Variants in KCNMA1 observed in about 807,000 individuals in gnomAD.
The protein encoded by KCNMA1 is Calcium-activated potassium channel subunit alpha-1.
In KCNMA1, 29 loss-of-function variants were observed where a neutral mutation model predicts 140.0. The observed-to-expected ratio is 0.21, with a 90% confidence interval of 0.15 to 0.28. The LOEUF (loss-of-function observed/expected upper bound fraction) is 0.28. Ranked by LOEUF, KCNMA1 falls within the 10% of genes least tolerant of loss-of-function variation. The probability of loss-of-function intolerance (pLI) is 1.00; values close to 1 mark genes in which losing one functional copy is unlikely to be tolerated. For synonymous variants in KCNMA1, 612 were observed against 611.9 expected, an observed-to-expected ratio of 1.00 and a Z score of 0.00; for missense variants, 880 against 1,602.2, an observed-to-expected ratio of 0.55 and a Z score of 7.70.
At chr10:77,443,564 G>A (rs1448497458) in intron 1 of KCNMA1, among the ~76,000 whole-genome samples, 3 of 152,148 alleles carry the variant, frequency 2.0e-5, no homozygotes, top group African/African-American at 7.2e-5. Context: ...TGGCTCTCGT[G>A]GAACATGGAG....
intron 1 of KCNMA1, among the ~76,000 whole-genome samples, chr10:77,594,074 T>C (rs2080052437): frequency 6.6e-6 from 1 of 151,984 alleles, no homozygotes; most frequent in Non-Finnish European, 1.5e-5. Context: ...TAAAGAGAAA[T>C]GGGAGTGTGA....
At chr10:77,602,510 T>C (rs913820874) in intron 1 of KCNMA1, among the ~76,000 whole-genome samples, 1 of 152,168 alleles carries the variant, frequency 6.6e-6, no homozygotes, top group Non-Finnish European at 1.5e-5. Flanking sequence ...TCTCTGTATA[T>C]ACTAAAAACC....
chr10:77,255,430 G>T (rs1018900941), intron 2 of KCNMA1, among the ~76,000 whole-genome samples: 4 of 151,068 alleles, frequency 2.6e-5, no homozygotes, highest in East Asian at 2.0e-4. Flanking sequence ...TGAAACCCTG[G>T]CTCTACCAAA....
intron 1 of KCNMA1, among the ~76,000 whole-genome samples, chr10:77,449,224 T>C (rs528268121): frequency 9.2e-5 from 14 of 152,288 alleles, no homozygotes; most frequent in Admixed American, 7.8e-4. Flanking sequence ...GCCTTTATTT[T>C]GAAGTGTTAC....
chr10:77,438,489 G>A (rs1277355021), intron 1 of KCNMA1, among the ~76,000 whole-genome samples: 1 of 151,814 alleles, frequency 6.6e-6, no homozygotes, highest in Admixed American at 6.6e-5. Context: ...CTTGAACCTG[G>A]GAGGCAGAGG....
At chr10:77,084,836 A>C in intron 11 of KCNMA1, 117 bp from the exon 12 acceptor site, 14 of 722,690 alleles carry the variant, frequency 1.9e-5, no homozygotes, top group Non-Finnish European at 2.7e-5. Flanking sequence ...AAAAAAAACA[A>C]TCCTGAGAGC....
At chr10:77,039,489 C>T (rs1565708917) in intron 15 of KCNMA1, 39 bp downstream of exon 15, 1 of 1,198,976 alleles carries the variant, frequency 8.3e-7, no homozygotes, top group Non-Finnish European at 1.2e-6. Context: ...CATTCAATAT[C>T]CCTGAAAGCC....
At chr10:76,933,305 T>C (rs1210045480) in intron 23 of KCNMA1, among the ~76,000 whole-genome samples, 2 of 152,216 alleles carry the variant, frequency 1.3e-5, no homozygotes, top group Non-Finnish European at 2.9e-5. Flanking sequence ...CTACTGAGTG[T>C]CTACTAGGTG....
intron 20 of KCNMA1, among the ~76,000 whole-genome samples, chr10:76,955,135 A>C (rs1457176227): frequency 6.6e-6 from 1 of 152,148 alleles, no homozygotes; most frequent in African/African-American, 2.4e-5. Flanking sequence ...CATAAATTGT[A>C]AAGTGATTTT....
At chr10:77,403,801 G>C in intron 2 of KCNMA1, 61 bp downstream of exon 2, 2 of 1,540,264 alleles carry the variant, frequency 1.3e-6, no homozygotes, top group Non-Finnish European at 1.8e-6. Flanking sequence ...CGTCTCATAA[G>C]CAAAGCCACC....
At chr10:76,906,718 A>G (rs988762060) in intron 25 of KCNMA1, among the ~76,000 whole-genome samples, 1 of 152,184 alleles carries the variant, frequency 6.6e-6, no homozygotes, top group African/African-American at 2.4e-5. Flanking sequence ...TCACTTTCTC[A>G]ATTTATATTC....
chr10:77,163,278 T>C (rs1418063025), intron 5 of KCNMA1, among the ~76,000 whole-genome samples: 1 of 152,198 alleles, frequency 6.6e-6, no homozygotes, highest in Non-Finnish European at 1.5e-5. Context: ...CGAATACAAT[T>C]TTATTGGGAC....
chr10:76,907,916 A>T (rs1433295020), intron 25 of KCNMA1, among the ~76,000 whole-genome samples: 1 of 152,214 alleles, frequency 6.6e-6, no homozygotes. Context: ...GACCTTGCAA[A>T]TTATGTAGCC....
chr10:77,052,823 G>C (rs2095417657), intron 14 of KCNMA1, among the ~76,000 whole-genome samples: 1 of 152,092 alleles, frequency 6.6e-6, no homozygotes, highest in Non-Finnish European at 1.5e-5. Flanking sequence ...CAGTCAAGCA[G>C]ACCCATGCTT....
At chr10:77,065,751 C>T (rs1424369392) in intron 14 of KCNMA1, among the ~76,000 whole-genome samples, 2 of 152,076 alleles carry the variant, frequency 1.3e-5, no homozygotes, top group African/African-American at 4.8e-5. Flanking sequence ...ACAGGTTGTA[C>T]ATTTATTACA....
chr10:77,522,764 G>A (rs1022854568), intron 1 of KCNMA1, among the ~76,000 whole-genome samples: 8 of 152,118 alleles, frequency 5.3e-5, no homozygotes, highest in African/African-American at 1.9e-4. Context: ...GGGGTCTTGG[G>A]GCAACCAATG....
At chr10:77,529,805 A>C (rs2154552614) in intron 1 of KCNMA1, among the ~76,000 whole-genome samples, 1 of 152,184 alleles carries the variant, frequency 6.6e-6, no homozygotes, top group South Asian at 2.1e-4. Context: ...TTTGTCAGGA[A>C]AGTCAGGGGC....
chr10:77,106,749 A>G (rs967770616), intron 9 of KCNMA1, among the ~76,000 whole-genome samples: 3 of 152,188 alleles, frequency 2.0e-5, no homozygotes, highest in Non-Finnish European at 2.9e-5. Flanking sequence ...ATGAATTGAG[A>G]TGCTGTTTTC....
intron 2 of KCNMA1, among the ~76,000 whole-genome samples, chr10:77,382,600 C>T (rs963185850): frequency 7.9e-5 from 12 of 152,076 alleles, no homozygotes; most frequent in African/African-American, 2.2e-4. Flanking sequence ...CATGGTGGCT[C>T]ATACCTGTAA....
Sources: allele counts gnomAD v4.1 joint callset (sites outside exome capture counted in the v4.1 genomes callset), GRCh38; gene constraint gnomAD v4.1.1; transcripts MANE v1.5; gene names NCBI Gene and HGNC (gene_info 2026-07-23, HGNC 2026-07-21).